Variants in CEP128 observed in about 807,000 individuals in gnomAD.
CEP128 encodes centrosomal protein 128.
CEP128 carries 132 observed loss-of-function variants against 156.7 expected under a neutral mutation model. The ratio of observed to expected loss-of-function variants is 0.84; its 90% CI spans 0.73 to 0.97. The LOEUF (loss-of-function observed/expected upper bound fraction) is 0.97. Among genes scored for constraint, CEP128 ranks in the 50% least tolerant of loss-of-function variants. The probability of loss-of-function intolerance (pLI) is 0.00; values close to 1 mark genes in which losing one functional copy is unlikely to be tolerated. For missense variants in CEP128, 1,252 were observed against 1,281.9 expected (o/e 0.98, Z 0.36); for synonymous variants, 469 against 448.9 (o/e 1.04, Z -0.57).
intron 13 of CEP128, among the ~76,000 whole-genome samples, chr14:80,798,543 T>C (rs1319176948): frequency 2.0e-5 from 3 of 152,214 alleles, no homozygotes; most frequent in Non-Finnish European, 2.9e-5. Flanking sequence ...TCTACCTGTA[T>C]GGAGCAAAAT....
At chr14:80,515,249 A>G (rs557830790) in intron 23 of CEP128, among the ~76,000 whole-genome samples, 3 of 152,250 alleles carry the variant, frequency 2.0e-5, no homozygotes, top group African/African-American at 7.2e-5. Context: ...CAGGTGGTGA[A>G]TCCAGCCATG....
At chr14:80,479,550 T>C (rs990238841) in intron 14 of CEP128, among the ~76,000 whole-genome samples, 7 of 152,164 alleles carry the variant, frequency 4.6e-5, no homozygotes, top group African/African-American at 1.7e-4. Context: ...ACGGGAAAGA[T>C]AGGCCCCCAT....
chr14:80,598,981 T>C lies in CEP128; in HGVS notation c.2807-18558A>G, dbSNP rs543743843. ...CTTGACAATATCAGTGTCAGTACCC[T>C]GGTTGTGATAATGTACAATGATTTT... is the stretch of plus-strand genomic sequence containing the variant. On this transcript the variant is annotated intron_variant, in intron 19 of 24. Transcript: ENST00000555265. Among the ~76,000 whole-genome samples, 4 of 152,352 alleles carry C rather than the reference T, an allele frequency of 2.6e-5. No individual in the cohort carries two copies. In the East Asian group the frequency reaches 7.7e-4, roughly 29 times the overall value.
intron 9 of CEP128, among the ~76,000 whole-genome samples, chr14:80,853,297 T>C (rs1362669510): frequency 6.6e-6 from 1 of 151,304 alleles, no homozygotes; most frequent in Non-Finnish European, 1.5e-5. Context: ...TTCTAACCAG[T>C]GCAATAAGAT....
intron 19 of CEP128, among the ~76,000 whole-genome samples, chr14:80,647,013 G>A (rs553711134): frequency 0.27 from 18,449 of 68,314 alleles, 3,751 homozygotes; most frequent in Middle Eastern, 0.39. Context: ...ATATATATAT[G>A]TGTGTGTATA....
chr14:80,681,224 T>C (rs1243458265), intron 19 of CEP128, among the ~76,000 whole-genome samples: 2 of 151,736 alleles, frequency 1.3e-5, no homozygotes, highest in African/African-American at 4.8e-5. Context: ...AGGAAAAAAA[T>C]ATTATAGGGC....
At chr14:80,625,010 T>C (rs1387856992) in intron 19 of CEP128, among the ~76,000 whole-genome samples, 1 of 152,176 alleles carries the variant, frequency 6.6e-6, no homozygotes, top group Non-Finnish European at 1.5e-5. Flanking sequence ...ACTCCTGAAG[T>C]ATATTCCCTA....
At chr14:80,660,436 C>A (rs1202242384) in intron 19 of CEP128, among the ~76,000 whole-genome samples, 1 of 152,076 alleles carries the variant, frequency 6.6e-6, no homozygotes, top group African/African-American at 2.4e-5. Context: ...AGACACTTGC[C>A]AATGATAAAA....
At chr14:80,692,107 G>GA (rs1896739458) in intron 19 of CEP128, among the ~76,000 whole-genome samples, 1 of 152,150 alleles carries the variant, frequency 6.6e-6, no homozygotes, top group Non-Finnish European at 1.5e-5. Context: ...ACAGTTTGCT[G>GA]AAACAGAAAA....
chr14:80,650,030 G>C (rs534295890), intron 19 of CEP128, among the ~76,000 whole-genome samples: 1 of 152,214 alleles, frequency 6.6e-6, no homozygotes, highest in South Asian at 2.1e-4. Flanking sequence ...TCATGATATT[G>C]ATTCTTCCTA....
chr14:80,526,540 A>T (rs1486050849), intron 23 of CEP128: 2 of 187,124 alleles, frequency 1.1e-5, no homozygotes, highest in Non-Finnish European at 2.2e-5. Flanking sequence ...ACTTATACAT[A>T]GAAGAAGGTG....
chr14:80,567,822 A>G (rs1890979031), intron 20 of CEP128, among the ~76,000 whole-genome samples: 1 of 152,158 alleles, frequency 6.6e-6, no homozygotes, highest in South Asian at 2.1e-4. Context: ...GCAAAGGACA[A>G]CCAGTGCAAT....
At chr14:80,815,044 C>T (rs543015421) in intron 13 of CEP128, among the ~76,000 whole-genome samples, 7 of 152,040 alleles carry the variant, frequency 4.6e-5, no homozygotes, top group Non-Finnish European at 5.9e-5. Context: ...GGCAACAGAG[C>T]GAGACTCCGT....
chr14:80,955,909 G>C, intron 2 of CEP128: 1 of 1,609,310 alleles, frequency 6.2e-7, no homozygotes, highest in East Asian at 2.2e-5. Context: ...TGCAGAGGTG[G>C]CCCGAAGTGC....
At chr14:80,751,210 C>T (rs537543961) in intron 18 of CEP128, among the ~76,000 whole-genome samples, 12 of 152,292 alleles carry the variant, frequency 7.9e-5, no homozygotes, top group African/African-American at 2.6e-4. Context: ...TGACCTATGG[C>T]TTCAGTCTAT....
intron 22 of CEP128, among the ~76,000 whole-genome samples, chr14:80,530,456 T>A (rs1216204848): frequency 6.6e-6 from 1 of 152,226 alleles, no homozygotes; most frequent in East Asian, 1.9e-4. Flanking sequence ...AGTACCCAAA[T>A]AATTCACAAA....
intron 2 of CEP128, among the ~76,000 whole-genome samples, chr14:80,952,358 T>A (rs1886484939): frequency 6.6e-6 from 1 of 152,060 alleles, no homozygotes; most frequent in African/African-American, 2.4e-5. Flanking sequence ...CAACAGAATA[T>A]CTGAGAATTC....
chr14:80,557,443 A>G (rs916270470), intron 21 of CEP128, among the ~76,000 whole-genome samples: 2 of 152,242 alleles, frequency 1.3e-5, no homozygotes, highest in Non-Finnish European at 2.9e-5. Context: ...TAAATGTTGC[A>G]TAAGCGGCAT....
intron 10 of CEP128, among the ~76,000 whole-genome samples, chr14:80,839,815 C>T (rs1886265466): frequency 6.6e-6 from 1 of 151,992 alleles, no homozygotes. Context: ...GTGGGGATCA[C>T]AGAATCCACA....
Sources: gnomAD v4.1 joint callset for allele counts (sites outside exome capture counted in the v4.1 genomes callset) on GRCh38, gnomAD v4.1.1 for gene constraint, MANE v1.5 for transcripts, NCBI Gene and HGNC (gene_info 2026-07-23, HGNC 2026-07-21) for gene names.